Variants in ARHGAP15 observed in about 807,000 individuals in gnomAD.
ARHGAP15 encodes Rho GTPase activating protein 15.
A neutral mutation model predicts 63.7 loss-of-function variants in ARHGAP15; 51 were observed. The observed-to-expected ratio is 0.80, with a 90% CI of 0.64 to 1.01. The LOEUF (loss-of-function observed/expected upper bound fraction) is 1.01. Ranked by LOEUF, ARHGAP15 falls within the 50% of genes least tolerant of loss-of-function variation. The pLI is 0.00. For synonymous variants in ARHGAP15, 191 were observed against 193.8 expected, an observed-to-expected ratio of 0.99 and a Z score of 0.12; for missense variants, 560 against 564.6, an observed-to-expected ratio of 0.99 and a Z score of 0.08.
intron 4 of ARHGAP15, among the ~76,000 whole-genome samples, chr2:143,217,348 G>A (rs1446458529): frequency 1.3e-5 from 2 of 152,116 alleles, no homozygotes; most frequent in Non-Finnish European, 2.9e-5. Context: ...AATTTGGAGG[G>A]GGGTGGAGAA....
intron 3 of ARHGAP15, among the ~76,000 whole-genome samples, chr2:143,203,162 T>A (rs943794882): frequency 6.6e-5 from 10 of 152,132 alleles, no homozygotes; most frequent in African/African-American, 2.4e-4. Context: ...CTTTGGGATG[T>A]CCCATCCTTA....
intron 6 of ARHGAP15, among the ~76,000 whole-genome samples, chr2:143,336,297 C>T (rs1051149583): frequency 6.6e-6 from 1 of 152,076 alleles, no homozygotes; most frequent in Non-Finnish European, 1.5e-5. Flanking sequence ...AAGGGCATAC[C>T]TCTATAAGGG....
chr2:143,317,646 T>A lies in ARHGAP15; in HGVS notation c.474+67046T>A, dbSNP rs576172183. ...AAGACATCTAGTGACTAGCTTTTGG[T>A]GGCTTTACCTCCAAAACTGAGGAAT... is the stretch of plus-strand genomic sequence containing the variant. On this transcript the variant is annotated intron_variant, in intron 6 of 13. Transcript: ENST00000295095. Among the ~76,000 whole-genome samples, 9 of 152,314 alleles carry A rather than the reference T, an allele frequency of 5.9e-5. No homozygotes were observed. In the South Asian group the frequency reaches 1.2e-3, roughly 21 times the overall value.
At position 143,768,323 on chromosome 2, in the gene ARHGAP15, C is replaced by G; in HGVS notation, c.*151C>G. ...TTAATGATGATTTTGTGTTTAAGTT[C>G]CAAACATTTGAATAAAATAATTGAC... On this transcript the variant is annotated 3_prime_UTR_variant, in exon 14 of 14. Coordinates refer to ENST00000295095, the MANE Select transcript of ARHGAP15 (RefSeq NM_018460.4). 1.3e-6 allele frequency: 1 copy of G among 748,172 alleles called. No individual in the cohort carries two copies. The highest frequency in any genetic ancestry group is 2.1e-6 in the Non-Finnish European group (1 of 467,566). 46.3% of individuals were successfully genotyped at this position (748,172 alleles called of 1,614,324 possible). A position where few individuals can be genotyped will look rare whatever the true frequency, so the allele number is the denominator to read the frequency against.
chr2:143,628,275 T>C (rs1698916854), intron 12 of ARHGAP15, among the ~76,000 whole-genome samples: 1 of 152,178 alleles, frequency 6.6e-6, no homozygotes. Flanking sequence ...TGAATAGTGT[T>C]GCGATGAACA....
chr2:143,648,233 A>G (rs1229411880), intron 12 of ARHGAP15, among the ~76,000 whole-genome samples: 1 of 152,080 alleles, frequency 6.6e-6, no homozygotes, highest in Non-Finnish European at 1.5e-5. Flanking sequence ...GTATGCATTA[A>G]TTTATGAGTT....
rs1202630243 is a variant in ARHGAP15, at chr2:143,129,427, G to A, written c.-54G>A. On this transcript the variant is annotated 5_prime_UTR_variant, in exon 1 of 14. Transcript: ENST00000295095. ...TTGAAAGAGTCATTAACAGTTAGGA[G>A]TTGATGGCAGTTTCAATAACAGGTC... 1 of 151,894 alleles carries A rather than the reference G, an allele frequency of 6.6e-6. No homozygotes were observed. The highest frequency in any genetic ancestry group is 1.5e-5 in the Non-Finnish European group (1 of 68,018). 9.4% of individuals were successfully genotyped at this position (151,894 alleles called of 1,614,324 possible). A position where few individuals can be genotyped will look rare whatever the true frequency, so the allele number is the denominator to read the frequency against.
chr2:143,738,168 G>A (rs1451832779), intron 13 of ARHGAP15, among the ~76,000 whole-genome samples: 1 of 152,124 alleles, frequency 6.6e-6, no homozygotes, highest in South Asian at 2.1e-4. Context: ...ATATTCACTA[G>A]CAGATGAAAT....
At position 143,598,940 on chromosome 2, in the gene ARHGAP15, T is replaced by TA. The variant is rs1284888495; in HGVS notation, c.1004-25185dup. On this transcript the variant is annotated intron_variant, in intron 11 of 13. Transcript: ENST00000295095. ...AAAAAATAAGTTGGTTTTTTTTTTT[T>TA]AAAAAAAACTAAGTTTTATTTTATT... Among the ~76,000 whole-genome samples, 269 of 150,976 alleles carry TA rather than the reference T, an allele frequency of 1.8e-3. 1 individual carries two copies. Among genetic ancestry groups the TA allele is most frequent in the African/African-American group, 4.8e-3 (196 of 41,110 alleles).
At chr2:143,512,973 A>G (rs1693655099) in intron 9 of ARHGAP15, among the ~76,000 whole-genome samples, 1 of 152,200 alleles carries the variant, frequency 6.6e-6, no homozygotes, top group African/African-American at 2.4e-5. Flanking sequence ...CAAATTCTAA[A>G]TTTTGTAGAA....
intron 6 of ARHGAP15, among the ~76,000 whole-genome samples, chr2:143,413,967 G>GTGTGTGTGCGCA (rs1553476589): frequency 3.8e-5 from 1 of 26,664 alleles, no homozygotes; most frequent in African/African-American, 1.6e-4. Flanking sequence ...GTGTGTGTGT[G>GTGTGTGTGCGCA]CGCGCTCTCT....
chr2:143,627,055 C>T (rs775130245), intron 12 of ARHGAP15, among the ~76,000 whole-genome samples: 1 of 152,178 alleles, frequency 6.6e-6, no homozygotes, highest in Non-Finnish European at 1.5e-5. Flanking sequence ...AAGTTGCCAT[C>T]TATTAGCCAG....
chr2:143,342,974 G>T (rs1285574645), intron 6 of ARHGAP15, among the ~76,000 whole-genome samples: 5 of 151,856 alleles, frequency 3.3e-5, no homozygotes, highest in Admixed American at 1.3e-4. Flanking sequence ...ATTTTTTGTT[G>T]TATTATTTTG....
chr2:143,219,941 T>A (rs931298009), intron 4 of ARHGAP15, among the ~76,000 whole-genome samples: 10 of 152,350 alleles, frequency 6.6e-5, no homozygotes, highest in Non-Finnish European at 2.9e-5. Context: ...ATATTTGGGA[T>A]AATAATGCTT....
At chr2:143,316,220 C>G (rs1683701184) in intron 6 of ARHGAP15, among the ~76,000 whole-genome samples, 1 of 152,094 alleles carries the variant, frequency 6.6e-6, no homozygotes, top group African/African-American at 2.4e-5. Context: ...CACCAACCAA[C>G]CAATCAATCA....
At chr2:143,430,769 C>A (rs1016112232) in intron 6 of ARHGAP15, among the ~76,000 whole-genome samples, 2 of 151,972 alleles carry the variant, frequency 1.3e-5, no homozygotes, top group Admixed American at 6.6e-5. Context: ...TCCAAAGTCT[C>A]TCTAAACATA....
At chr2:143,211,858 C>G (rs1422636963) in intron 3 of ARHGAP15, among the ~76,000 whole-genome samples, 1 of 152,098 alleles carries the variant, frequency 6.6e-6, no homozygotes. Flanking sequence ...GGAAGCTGAA[C>G]TAGGATTCAG....
At chr2:143,754,165 G>A (rs934271135) in intron 13 of ARHGAP15, among the ~76,000 whole-genome samples, 2 of 152,150 alleles carry the variant, frequency 1.3e-5, no homozygotes, top group Non-Finnish European at 2.9e-5. Context: ...ATGTAAAGCC[G>A]AAGCATTTGG....
At chr2:143,740,068 GATT>G (rs1221790640) in intron 13 of ARHGAP15, among the ~76,000 whole-genome samples, 1 of 151,854 alleles carries the variant, frequency 6.6e-6, no homozygotes, top group African/African-American at 2.4e-5. Context: ...GTGTTTGAGA[GATT>G]ATGTTTCCAC....
Sources: allele counts gnomAD v4.1 joint callset (sites outside exome capture counted in the v4.1 genomes callset), GRCh38; gene constraint gnomAD v4.1.1; transcripts MANE v1.5; gene names NCBI Gene and HGNC (gene_info 2026-07-23, HGNC 2026-07-21).